MAST4: variants seen among roughly 807,000 people sequenced by gnomAD.
MAST4 encodes microtubule-associated serine/threonine-protein kinase 4.
MAST4 carries 89 observed loss-of-function variants against 162.7 expected under a neutral mutation model. The observed-to-expected ratio is 0.55, with a 90% confidence interval of 0.46 to 0.65. The LOEUF (loss-of-function observed/expected upper bound fraction) is 0.65. MAST4 is among the 30% of genes least tolerant of loss of function. MAST4 has a pLI of 0.00. For synonymous variants in MAST4, 1,479 were observed against 1,361.1 expected, an observed-to-expected ratio of 1.09 and a Z score of -1.91; for missense variants, 3,153 against 3,374.0, an observed-to-expected ratio of 0.93 and a Z score of 1.62.
At chr5:66,969,189 C>T (rs1350160913) in intron 4 of MAST4, among the ~76,000 whole-genome samples, 1 of 152,116 alleles carries the variant, frequency 6.6e-6, no homozygotes, top group African/African-American at 2.4e-5. Context: ...TGGCTGGGTC[C>T]CTGCGGCACC....
chr5:67,012,608 A>G (rs1319172510), intron 4 of MAST4, among the ~76,000 whole-genome samples: 2 of 152,242 alleles, frequency 1.3e-5, no homozygotes, highest in African/African-American at 2.4e-5. Flanking sequence ...ATTGTCTACT[A>G]AAAGTAGAGT....
At chr5:66,948,343 C>T (rs1033674904) in intron 4 of MAST4, among the ~76,000 whole-genome samples, 5 of 152,080 alleles carry the variant, frequency 3.3e-5, no homozygotes, top group African/African-American at 4.8e-5. Context: ...GCATTACTAG[C>T]GTTCATATAT....
chr5:66,638,917 T>C (rs1237689122), intron 1 of MAST4, among the ~76,000 whole-genome samples: 1 of 152,164 alleles, frequency 6.6e-6, no homozygotes. Flanking sequence ...AAGAACACTT[T>C]TGGGGGAAAA....
intron 4 of MAST4, among the ~76,000 whole-genome samples, chr5:66,944,005 C>A (rs1743669371): frequency 1.3e-5 from 2 of 152,114 alleles, no homozygotes; most frequent in Non-Finnish European, 2.9e-5. Context: ...GTACAGGTAA[C>A]CATCTCCCCG....
At chr5:66,687,474 A>G (rs543160831) in intron 1 of MAST4, among the ~76,000 whole-genome samples, 75 of 152,072 alleles carry the variant, frequency 4.9e-4, no homozygotes, top group Admixed American at 4.8e-3. Flanking sequence ...ATACATGTAT[A>G]TATGTATACA....
intron 2 of MAST4, among the ~76,000 whole-genome samples, chr5:66,777,612 C>A (rs1297568995): frequency 6.6e-6 from 1 of 152,110 alleles, no homozygotes; most frequent in East Asian, 1.9e-4. Context: ...TTTCAAGGAT[C>A]TGGAGGGGGC....
intron 3 of MAST4, among the ~76,000 whole-genome samples, chr5:66,853,213 T>C (rs1759441612): frequency 6.6e-6 from 1 of 152,218 alleles, no homozygotes; most frequent in South Asian, 2.1e-4. Flanking sequence ...TCGAAAAGCC[T>C]GCATAACCAG....
chr5:66,913,852 A>G (rs2150022864), intron 4 of MAST4, among the ~76,000 whole-genome samples: 1 of 152,328 alleles, frequency 6.6e-6, no homozygotes, highest in Middle Eastern at 3.4e-3. Flanking sequence ...ATTTCTGCAT[A>G]CACGTCTCTA....
intron 4 of MAST4, among the ~76,000 whole-genome samples, chr5:66,936,449 G>A (rs906235869): frequency 2.0e-5 from 3 of 152,302 alleles, no homozygotes; most frequent in African/African-American, 4.8e-5. Flanking sequence ...GGCTAAGTCC[G>A]AAAAGAGAGT....
intron 1 of MAST4, among the ~76,000 whole-genome samples, chr5:66,682,503 T>C (rs916129103): frequency 2.6e-5 from 4 of 152,224 alleles, no homozygotes; most frequent in African/African-American, 7.2e-5. Flanking sequence ...CTGCTTTGAA[T>C]ACTGGGCCTA....
At chr5:66,954,322 C>T (rs1190683556) in intron 4 of MAST4, among the ~76,000 whole-genome samples, 1 of 152,146 alleles carries the variant, frequency 6.6e-6, no homozygotes, top group East Asian at 1.9e-4. Context: ...TTCTTAAGAC[C>T]ACTCTTTGAG....
chr5:66,609,052 ATTTTT>A (rs33928003), intron 1 of MAST4, among the ~76,000 whole-genome samples: 1 of 130,108 alleles, frequency 7.7e-6, no homozygotes, highest in African/African-American at 2.8e-5. Flanking sequence ...TCTCCCTTAG[ATTTTT>A]TTTTTTTTTT....
chr5:67,166,219 AACAGACAGACAACAG>A lies in MAST4; in HGVS notation c.7053_7067del (p.Asn2351_Asp2355del), dbSNP rs1423825092. The A allele has an allele frequency of 3.2e-6, 5 of 1,552,268 alleles. No homozygotes were observed. Among genetic ancestry groups the A allele is most frequent in the African/African-American group, 1.4e-5 (1 of 72,842 alleles). On this transcript the variant is annotated inframe_deletion, in exon 29 of 29. Coordinates refer to ENST00000403625, the MANE Select transcript of MAST4 (RefSeq NM_001164664.2). ...GTGAAAGATTGCCCCACCCTGTGCA[AACAGACAGACAACAG>A]ACAGACAGACAAAAGCCCGAGTCAG...
intron 1 of MAST4, among the ~76,000 whole-genome samples, chr5:66,635,963 T>TG (rs1745088268): frequency 7.6e-6 from 1 of 131,074 alleles, no homozygotes; most frequent in Non-Finnish European, 1.6e-5. Context: ...TTTTTTTTTT[T>TG]TTTTTTTTTT....
intron 7 of MAST4, among the ~76,000 whole-genome samples, chr5:67,097,622 A>G (rs1239745435): frequency 6.6e-6 from 1 of 152,020 alleles, no homozygotes; most frequent in African/African-American, 2.4e-5. Flanking sequence ...CACCCCCAAG[A>G]CCATTTTTAG....
intron 3 of MAST4, among the ~76,000 whole-genome samples, chr5:66,806,398 C>G (rs1312010390): frequency 1.3e-5 from 2 of 152,228 alleles, no homozygotes; most frequent in Non-Finnish European, 2.9e-5. Context: ...AGCTTCTAAC[C>G]TGTCCCACAG....
intron 15 of MAST4, among the ~76,000 whole-genome samples, chr5:67,130,629 G>A (rs1470048233): frequency 2.6e-5 from 4 of 152,010 alleles, no homozygotes; most frequent in Non-Finnish European, 5.9e-5. Context: ...AGCGCTATCT[G>A]GAAAAAGGTT....
At chr5:67,092,590 C>T (rs1049688748) in intron 6 of MAST4, among the ~76,000 whole-genome samples, 1 of 152,134 alleles carries the variant, frequency 6.6e-6, no homozygotes, top group African/African-American at 2.4e-5. Flanking sequence ...GTTAAAAATA[C>T]TCTCGTGCCT....
intron 2 of MAST4, among the ~76,000 whole-genome samples, chr5:66,783,003 T>C (rs1278055397): frequency 6.6e-6 from 1 of 152,250 alleles, no homozygotes; most frequent in Non-Finnish European, 1.5e-5. Flanking sequence ...TAAATCCATC[T>C]GTTGTCCTCT....
Sources: gnomAD v4.1 joint callset for allele counts (sites outside exome capture counted in the v4.1 genomes callset) on GRCh38, gnomAD v4.1.1 for gene constraint, MANE v1.5 for transcripts, NCBI Gene and HGNC (gene_info 2026-07-23, HGNC 2026-07-21) for gene names.